Variants in CYP2J2 observed in about 807,000 individuals in gnomAD.
CYP2J2 encodes cytochrome P450 2J2.
Under a neutral mutation model 48.8 loss-of-function variants are expected in CYP2J2, and 41 were observed. The observed-to-expected ratio is 0.84, with a 90% CI of 0.66 to 1.09. The LOEUF (loss-of-function observed/expected upper bound fraction) is 1.09. Among genes scored for constraint, CYP2J2 ranks in the 50% least tolerant of loss-of-function variants. CYP2J2 has a pLI of 0.00. For missense variants in CYP2J2, 644 were observed against 617.3 expected, an observed-to-expected ratio of 1.04 and a Z score of -0.46; for synonymous variants, 221 against 227.1, an observed-to-expected ratio of 0.97 and a Z score of 0.24.
intron 2 of CYP2J2, among the ~76,000 whole-genome samples, chr1:59,914,385 A>G (rs971289295): frequency 3.9e-5 from 6 of 152,206 alleles, no homozygotes; most frequent in African/African-American, 7.2e-5. Context: ...TACTGTGTCT[A>G]TGTAGAAAGG....
At chr1:59,913,324 T>A (rs1468152375) in intron 2 of CYP2J2, 1 of 152,126 alleles carries the variant, frequency 6.6e-6, no homozygotes, top group East Asian at 1.9e-4. Context: ...CTGGGAAATC[T>A]TATCAACTCC....
chr1:59,918,589 G>T (rs991968465), intron 1 of CYP2J2, among the ~76,000 whole-genome samples: 2 of 151,178 alleles, frequency 1.3e-5, no homozygotes, highest in Non-Finnish European at 2.9e-5. Context: ...TCTTTAGAAA[G>T]ATTAAATGAC....
intron 1 of CYP2J2, among the ~76,000 whole-genome samples, chr1:59,920,399 G>A (rs1008545813): frequency 1.3e-5 from 2 of 152,006 alleles, no homozygotes; most frequent in African/African-American, 4.8e-5. Flanking sequence ...GCTGGGGAGT[G>A]CAACAAGTCC....
At position 59,915,943 on chromosome 1, in the gene CYP2J2, T is replaced by G; in HGVS notation, c.368A>C (p.Lys123Thr). The G allele has an allele frequency of 6.2e-7, 1 of 1,612,136 alleles. No homozygotes were observed. Among genetic ancestry groups the G allele is most frequent in the Non-Finnish European group, 8.5e-7 (1 of 1,179,300 alleles). Residue 123 changes from lysine (K) to threonine (T), a missense_variant, in exon 2 of 9, where the codon AAA becomes ACA. By Grantham distance (78) the Lys-to-Thr change is moderately conservative. Coordinates refer to ENST00000371204, the MANE Select transcript of CYP2J2 (RefSeq NM_000775.4). ...VTPMREHIFK[K>T]NGLIMSSGQA... ...TCGTTGGCCAAGAAACTTACCATTT[T>G]TCTTAAAGATATGTTCTCGCATAGG... is the stretch of plus-strand genomic sequence containing the variant.
At chr1:59,961,938 A>G in the CYP2J2 span, among the ~76,000 whole-genome samples, 4 of 152,168 alleles carry the variant, frequency 2.6e-5, no homozygotes, top group Admixed American at 2.6e-4. Context: ...AACTTCCAGA[A>G]TAGGGAAATC....
At chr1:59,954,294 A>G in the CYP2J2 span, among the ~76,000 whole-genome samples, 1 of 152,318 alleles carries the variant, frequency 6.6e-6, no homozygotes, top group South Asian at 2.1e-4. Context: ...TGACAAATAC[A>G]CATTTAACTT....
At chr1:59,908,982 T>C (rs1167550951) in intron 5 of CYP2J2, among the ~76,000 whole-genome samples, 1 of 152,186 alleles carries the variant, frequency 6.6e-6, no homozygotes, top group East Asian at 1.9e-4. Flanking sequence ...GGTAGGTCAT[T>C]GGGTCTAGGC....
the CYP2J2 span, among the ~76,000 whole-genome samples, chr1:59,951,515 C>T: frequency 6.6e-6 from 1 of 152,082 alleles, no homozygotes; most frequent in African/African-American, 2.4e-5. Context: ...CCTTATCTTC[C>T]CTGTAAGCCT....
the CYP2J2 span, among the ~76,000 whole-genome samples, chr1:59,945,432 A>C: frequency 8.2e-6 from 1 of 121,626 alleles, no homozygotes; most frequent in African/African-American, 3.5e-5. Flanking sequence ...CTATCTATCT[A>C]TCTATCTATC....
the CYP2J2 span, among the ~76,000 whole-genome samples, chr1:59,947,555 C>T: frequency 0.011 from 1,665 of 152,210 alleles, 24 homozygotes; most frequent in African/African-American, 0.038. Flanking sequence ...AAGCCAACTC[C>T]CAGAGTTGCT....
At chr1:59,899,170 T>C (rs778259804) in intron 8 of CYP2J2, among the ~76,000 whole-genome samples, 4 of 152,184 alleles carry the variant, frequency 2.6e-5, no homozygotes, top group Non-Finnish European at 5.9e-5. Flanking sequence ...CACATGGATG[T>C]TGTGCAAGAG....
chr1:59,913,804 A>AAAT (rs1644440575), intron 2 of CYP2J2, among the ~76,000 whole-genome samples: 1 of 152,208 alleles, frequency 6.6e-6, no homozygotes, highest in South Asian at 2.1e-4. Context: ...AATAAAACCT[A>AAAT]AAAATATACA....
chr1:59,902,084 A>G (rs1644325232), intron 7 of CYP2J2, among the ~76,000 whole-genome samples: 1 of 152,146 alleles, frequency 6.6e-6, no homozygotes, highest in Admixed American at 6.5e-5. Context: ...TACTTAATTC[A>G]GCATCCTTTT....
chr1:59,953,922 G>GA, the CYP2J2 span, among the ~76,000 whole-genome samples: 2 of 152,062 alleles, frequency 1.3e-5, no homozygotes, highest in Non-Finnish European at 2.9e-5. Context: ...GAGAACTTGG[G>GA]ACCAGAAATA....
upstream of CYP2J2, among the ~76,000 whole-genome samples, chr1:59,927,420 C>T (rs1341502042): frequency 1.3e-5 from 2 of 152,132 alleles, no homozygotes; most frequent in Non-Finnish European, 2.9e-5. Context: ...CTCTCCAAAG[C>T]CCCAAGACTG....
intron 2 of CYP2J2, among the ~76,000 whole-genome samples, chr1:59,915,166 G>A (rs1449747955): frequency 3.3e-5 from 5 of 152,202 alleles, no homozygotes; most frequent in African/African-American, 1.2e-4. Context: ...TCCTCCTGCT[G>A]AGATACTGAA....
the CYP2J2 span, among the ~76,000 whole-genome samples, chr1:59,949,843 C>T: frequency 4.6e-4 from 69 of 151,268 alleles, no homozygotes; most frequent in African/African-American, 1.6e-3. Flanking sequence ...CTGGAGTATT[C>T]TGCTCCACCC....
chr1:59,966,107 C>T, the CYP2J2 span, among the ~76,000 whole-genome samples: 1 of 152,224 alleles, frequency 6.6e-6, no homozygotes, highest in African/African-American at 2.4e-5. Flanking sequence ...GCTACCTTCA[C>T]ATTTATCATA....
At chr1:59,935,023 T>TATATATATATATAC in the CYP2J2 span, among the ~76,000 whole-genome samples, 1 of 75,320 alleles carries the variant, frequency 1.3e-5, no homozygotes, top group Non-Finnish European at 2.8e-5. Context: ...TACATATATA[T>TATATATATATATAC]ATATATATAT....
Sources: allele counts gnomAD v4.1 joint callset (sites outside exome capture counted in the v4.1 genomes callset), GRCh38; gene constraint gnomAD v4.1.1; transcripts MANE v1.5; gene names NCBI Gene and HGNC (gene_info 2026-07-23, HGNC 2026-07-21).